The following ZNF439 variants were observed in gnomAD, a reference collection of about 807,000 sequenced individuals.
ZNF439 encodes zinc finger protein 439.
A neutral mutation model predicts 47.3 loss-of-function variants in ZNF439; 40 were observed. The observed-to-expected ratio is 0.85, with a 90% confidence interval of 0.66 to 1.10. The LOEUF (loss-of-function observed/expected upper bound fraction) is 1.10. Ranked by LOEUF, ZNF439 falls within the 50% of genes least tolerant of loss-of-function variation. The pLI, the probability that ZNF439 is intolerant of heterozygous loss-of-function variation, is 0.00. For synonymous variants in ZNF439, 171 were observed against 198.8 expected (o/e 0.86, Z 1.18); for missense variants, 556 against 601.1 (o/e 0.93, Z 0.78).
intron 1 of ZNF439, chr19:11,856,685 C>G (rs540738943): frequency 6.6e-6 from 1 of 152,224 alleles, no homozygotes; most frequent in Non-Finnish European, 1.5e-5. Context: ...CGCCATAGTT[C>G]GAGCCTGGCT....
At chr19:11,860,799 A>G (rs73920388) in intron 1 of ZNF439, among the ~76,000 whole-genome samples, 1,572 of 152,236 alleles carry the variant, frequency 0.01, 21 homozygotes, top group African/African-American at 0.037. Flanking sequence ...TAGGCTCCAG[A>G]TGTCCCAGTA....
intron 1 of ZNF439, chr19:11,858,003 T>C (rs1483848167): frequency 2.0e-5 from 3 of 152,108 alleles, no homozygotes; most frequent in Non-Finnish European, 2.9e-5. Context: ...ATATTCAGAG[T>C]CTCCTTCAAT....
At chr19:11,857,476 AC>A (rs1178707816) in intron 1 of ZNF439, 2 of 152,358 alleles carry the variant, frequency 1.3e-5, no homozygotes, top group African/African-American at 4.8e-5. Flanking sequence ...TATTACTGAT[AC>A]AGACTTGTCT....
chr19:11,859,516 G>A (rs1166728844), intron 1 of ZNF439, among the ~76,000 whole-genome samples: 1 of 152,184 alleles, frequency 6.6e-6, no homozygotes, highest in Non-Finnish European at 1.5e-5. Flanking sequence ...AAGGGTATAA[G>A]GCGCATAGCA....
In ZNF439 at chr19:11,848,761, G is replaced by T; in HGVS notation, c.-107G>T. On this transcript the variant is annotated 5_prime_UTR_variant, in exon 1 of 4. Transcript: ENST00000682736. ...CAGGCACGGAGGATGTTGCATTCCTGCCGTCACCTTTGTCGCTGCGAGGGC... is the reference window on the plus strand; with the variant it reads ...CAGGCACGGAGGATGTTGCATTCCTTCCGTCACCTTTGTCGCTGCGAGGGC... The T allele has an allele frequency of 7.8e-7, 1 of 1,284,872 alleles. No individual in the cohort carries two copies. The highest frequency in any genetic ancestry group is 1.0e-6 in the Non-Finnish European group (1 of 992,014). 79.6% of individuals were successfully genotyped at this position (1,284,872 alleles called of 1,614,324 possible).
At chr19:11,849,599 A>T (rs1976176327) in intron 1 of ZNF439, 1 of 153,118 alleles carries the variant, frequency 6.5e-6, no homozygotes, top group African/African-American at 2.4e-5. Context: ...CCATTGGCAG[A>T]AAGGGTGGGA....
At position 11,866,347 on chromosome 19, in the gene ZNF439, T is replaced by A; in HGVS notation, c.190+16T>A. On this transcript the variant is annotated intron_variant, in intron 2 of 3. Transcript: ENST00000682736. ...ACCTCTATAGGTAAGGATGACAATA[T>A]TCCTTCCCTCAGTGCATTAGTTTAC... The A allele has an allele frequency of 6.2e-7, 1 of 1,614,060 alleles. No homozygotes were observed. Among genetic ancestry groups the A allele is most frequent in the Non-Finnish European group, 8.5e-7 (1 of 1,179,976 alleles).
chr19:11,865,180 A>C (rs1463538518), intron 1 of ZNF439, among the ~76,000 whole-genome samples: 1 of 152,198 alleles, frequency 6.6e-6, no homozygotes, highest in Non-Finnish European at 1.5e-5. Context: ...GGGTGGCTGC[A>C]TTGCTCATTA....
At position 11,866,839 on chromosome 19, in the gene ZNF439, C is replaced by T. The variant is rs141344171; in HGVS notation, c.251+242C>T. Among the ~76,000 whole-genome samples the T allele has an allele frequency of 6.7e-3, 1,022 of 152,216 alleles. 9 individuals carry two copies. Among genetic ancestry groups the T allele is most frequent in the African/African-American group, 0.023 (967 of 41,530 alleles). On this transcript the variant is annotated intron_variant, in intron 3 of 3. Transcript: ENST00000682736. ...AGGCCAGCAGTTCAACAACAGCCTG[C>T]GCAACATAACAAGACCACATATCAA...
chr19:11,858,940 A>C (rs945613110), intron 1 of ZNF439, among the ~76,000 whole-genome samples: 4 of 152,098 alleles, frequency 2.6e-5, no homozygotes, highest in Non-Finnish European at 5.9e-5. Flanking sequence ...TTAGGGTTTG[A>C]CCCTTGGCTC....
chr19:11,860,079 T>C (rs73924866), intron 1 of ZNF439, among the ~76,000 whole-genome samples: 2,731 of 152,248 alleles, frequency 0.018, 68 homozygotes, highest in African/African-American at 0.063. Context: ...GCAGAAACCA[T>C]GGGTTATGCA....
chr19:11,850,953 C>T (rs950112654), intron 1 of ZNF439: 1 of 152,080 alleles, frequency 6.6e-6, no homozygotes, highest in Non-Finnish European at 1.5e-5. Flanking sequence ...ATCACTTGAA[C>T]CTGGGAGGCA....
intron 1 of ZNF439, among the ~76,000 whole-genome samples, chr19:11,860,063 CTGTCTGCAGAAACCA>C (rs1354177255): frequency 3.9e-5 from 6 of 152,286 alleles, no homozygotes; most frequent in Non-Finnish European, 8.8e-5. Flanking sequence ...TCGAAAGTGC[CTGTCTGCAGAAACCA>C]TGGGTTATGC....
At chr19:11,861,924 T>C (rs1976551406) in intron 1 of ZNF439, among the ~76,000 whole-genome samples, 1 of 152,138 alleles carries the variant, frequency 6.6e-6, no homozygotes, top group Admixed American at 6.5e-5. Flanking sequence ...AGGCTCCCCT[T>C]TGGAAACATA....
At chr19:11,865,353 A>G (rs1976645379) in intron 1 of ZNF439, among the ~76,000 whole-genome samples, 1 of 151,414 alleles carries the variant, frequency 6.6e-6, no homozygotes, top group Middle Eastern at 3.4e-3. Flanking sequence ...ACATTCTGAC[A>G]GGATAACTGC....
At chr19:11,849,145 G>C in intron 1 of ZNF439, 25 of 1,141,828 alleles carry the variant, frequency 2.2e-5, no homozygotes, top group Non-Finnish European at 2.7e-5. Flanking sequence ...CCTTGGCCCC[G>C]AAGCCCTTTT....
At chr19:11,848,968 G>A in intron 1 of ZNF439, 38 bp downstream of exon 1, 4 of 1,518,794 alleles carry the variant, frequency 2.6e-6, no homozygotes. Context: ...ATGGGGGAGG[G>A]GCTGCCTGGA....
chr19:11,864,063 C>G (rs1342633646), intron 1 of ZNF439, among the ~76,000 whole-genome samples: 1 of 152,112 alleles, frequency 6.6e-6, no homozygotes, highest in Admixed American at 6.5e-5. Context: ...ATGGAATCTT[C>G]TCTTGTATAT....
rs543127408 is a variant in ZNF439, at chr19:11,848,930, G to T, written c.63G>T (p.Met21Ile). 5 of 1,566,924 alleles carry T rather than the reference G, an allele frequency of 3.2e-6. No individual in the cohort carries two copies. In the African/African-American group the frequency reaches 6.8e-5, roughly 21 times the overall value. The change falls in exon 1 of 4, where the codon ATG (methionine) becomes ATT (isoleucine). Residue 21 changes from methionine to isoleucine, a missense_variant and splice_region_variant. Coordinates refer to ENST00000682736, the MANE Select transcript of ZNF439 (RefSeq NM_001348719.2). ...CCGGTACATCTGAAAGCCGGGAAAT[G>T]GTGCGTGTGCTGGCCGGGAGTGGTG... Reference protein sequence around the residue: ...EDPGTSESREMDPVAFKDVAV... With the variant: ...EDPGTSESREIDPVAFKDVAV...
Sources: gnomAD v4.1 joint callset for allele counts (sites outside exome capture counted in the v4.1 genomes callset) on GRCh38, gnomAD v4.1.1 for gene constraint, MANE v1.5 for transcripts, NCBI Gene and HGNC (gene_info 2026-07-23, HGNC 2026-07-21) for gene names.